The following KCNIP4 variants were observed in gnomAD, a reference collection of about 807,000 sequenced individuals.
The protein encoded by KCNIP4 is Kv channel-interacting protein 4.
A neutral mutation model predicts 34.0 loss-of-function variants in KCNIP4; 12 were observed. The observed-to-expected ratio is 0.35, with a 90% confidence interval of 0.23 to 0.57. The LOEUF is 0.57. Among genes scored for constraint, KCNIP4 ranks in the 20% least tolerant of loss-of-function variants. The pLI, the probability that KCNIP4 is intolerant of heterozygous loss-of-function variation, is 0.83. For missense variants in KCNIP4, 238 were observed against 311.7 expected, an observed-to-expected ratio of 0.76 and a Z score of 1.78; for synonymous variants, 124 against 102.2, an observed-to-expected ratio of 1.21 and a Z score of -1.29.
chr4:21,226,181 G>T (rs1371275978), intron 1 of KCNIP4, among the ~76,000 whole-genome samples: 2 of 140,916 alleles, frequency 1.4e-5, no homozygotes, highest in African/African-American at 5.2e-5. Flanking sequence ...GGTGGCTGAG[G>T]CAAAGGGATT....
chr4:21,697,533 T>C (rs1560640310), intron 1 of KCNIP4: 2 of 1,453,700 alleles, frequency 1.4e-6, no homozygotes, highest in South Asian at 3.1e-5. Flanking sequence ...GAGAAACTTC[T>C]GTCTCAGTTT....
intron 1 of KCNIP4, chr4:21,729,920 T>C (rs1715467135): frequency 6.6e-6 from 1 of 152,170 alleles, no homozygotes; most frequent in Non-Finnish European, 1.5e-5. Flanking sequence ...GTGTGACTCA[T>C]TAATAACAAT....
At chr4:21,925,454 G>A (rs1053464851) in intron 1 of KCNIP4, among the ~76,000 whole-genome samples, 3 of 152,056 alleles carry the variant, frequency 2.0e-5, no homozygotes, top group Non-Finnish European at 2.9e-5. Flanking sequence ...TGGTGTATAC[G>A]TGCCACATTT....
At chr4:20,919,518 A>G (rs947341630) in intron 1 of KCNIP4, among the ~76,000 whole-genome samples, 4 of 151,982 alleles carry the variant, frequency 2.6e-5, no homozygotes, top group South Asian at 4.2e-4. Flanking sequence ...CCTGGCTAAC[A>G]TGGTGAAACC....
intron 1 of KCNIP4, among the ~76,000 whole-genome samples, chr4:21,511,364 A>G (rs1452246559): frequency 3.3e-5 from 5 of 149,664 alleles, no homozygotes; most frequent in African/African-American, 1.2e-4. Flanking sequence ...ATTTATTTTC[A>G]TTTTCTTTTT....
At chr4:20,816,653 A>G (rs990859054) in intron 3 of KCNIP4, among the ~76,000 whole-genome samples, 1 of 152,248 alleles carries the variant, frequency 6.6e-6, no homozygotes, top group Non-Finnish European at 1.5e-5. Flanking sequence ...TTAAGGACTT[A>G]GTAACTCAGA....
chr4:20,748,560 T>TTATATATATA (rs3075750), intron 5 of KCNIP4, among the ~76,000 whole-genome samples: 22 of 64,890 alleles, frequency 3.4e-4, no homozygotes, highest in Non-Finnish European at 4.4e-4. Context: ...CTTCCAAATT[T>TTATATATATA]TATATATATA....
At chr4:21,397,420 T>C (rs1723099978) in intron 1 of KCNIP4, among the ~76,000 whole-genome samples, 1 of 152,172 alleles carries the variant, frequency 6.6e-6, no homozygotes, top group African/African-American at 2.4e-5. Context: ...AGCATCAAGA[T>C]AAATAGCTAA....
intron 4 of KCNIP4, chr4:20,752,636 T>C (rs548638458): frequency 6.6e-6 from 1 of 152,278 alleles, no homozygotes; most frequent in East Asian, 1.9e-4. Context: ...GACAAGATAA[T>C]TATGTCCTAA....
In KCNIP4 at chr4:21,482,375, G is replaced by T. The variant is rs550449797; in HGVS notation, c.61+466196C>A. On this transcript the variant is annotated intron_variant, in intron 1 of 8. Transcript: ENST00000382152. Reference sequence around the variant, plus strand: ...CATTATGATATTAGCAGGTTATTTTGCTCGTTAGTTGATGCAGTTTCTTCC... The same window carrying T: ...CATTATGATATTAGCAGGTTATTTTTCTCGTTAGTTGATGCAGTTTCTTCC... Among the ~76,000 whole-genome samples the T allele has an allele frequency of 3.3e-5, 5 of 152,206 alleles. 1 individual carries two copies. The South Asian group carries it at 1.0e-3, about 32-fold the overall frequency.
intron 1 of KCNIP4, among the ~76,000 whole-genome samples, chr4:21,135,363 G>A (rs2109188334): frequency 6.6e-6 from 1 of 152,286 alleles, no homozygotes; most frequent in Admixed American, 6.5e-5. Flanking sequence ...TGATTTTAGT[G>A]AGGGTCTATT....
At chr4:21,240,880 T>A (rs1320214045) in intron 1 of KCNIP4, among the ~76,000 whole-genome samples, 19 of 152,008 alleles carry the variant, frequency 1.2e-4, no homozygotes, top group Admixed American at 1.2e-3. Context: ...GAAGTTTTTC[T>A]TCTCAAAGTC....
At chr4:21,318,329 C>T (rs971156288) in intron 1 of KCNIP4, among the ~76,000 whole-genome samples, 2 of 152,158 alleles carry the variant, frequency 1.3e-5, no homozygotes, top group African/African-American at 4.8e-5. Context: ...TCCTTGCTTA[C>T]ATTACCTGGA....
intron 1 of KCNIP4, among the ~76,000 whole-genome samples, chr4:21,090,144 T>C (rs1485752478): frequency 6.6e-6 from 1 of 152,204 alleles, no homozygotes; most frequent in Non-Finnish European, 1.5e-5. Context: ...TTCACACGTA[T>C]AGCCTGTTCT....
At position 20,855,295 on chromosome 4, in the gene KCNIP4, T is replaced by A. The variant is rs1175532116; in HGVS notation, c.164-4628A>T. Among the ~76,000 whole-genome samples the A allele has an allele frequency of 6.6e-5, 10 of 152,154 alleles. No individual in the cohort carries two copies. The East Asian group carries it at 1.9e-3, about 29-fold the overall frequency. On this transcript the variant is annotated intron_variant, in intron 2 of 8. Transcript: ENST00000382152. ...TGTGTAAACCAATCCACACCTCAGA[T>A]GAGGAACTTAGCAGGAATAAAAACA...
intron 1 of KCNIP4, among the ~76,000 whole-genome samples, chr4:21,735,296 T>C (rs998260259): frequency 1.3e-5 from 2 of 152,182 alleles, no homozygotes; most frequent in African/African-American, 4.8e-5. Context: ...TTTGTTAAGC[T>C]ACTCACTGAA....
At chr4:21,390,574 T>G (rs113775427) in intron 1 of KCNIP4, among the ~76,000 whole-genome samples, 63 of 152,264 alleles carry the variant, frequency 4.1e-4, no homozygotes, top group African/African-American at 1.4e-3. Flanking sequence ...TTTCCCCATT[T>G]CTTGTTTTTG....
chr4:21,005,752 A>G (rs1039720729), intron 1 of KCNIP4, among the ~76,000 whole-genome samples: 3 of 152,124 alleles, frequency 2.0e-5, no homozygotes, highest in African/African-American at 7.2e-5. Context: ...ATATAGTTTG[A>G]ATGCAGAGTG....
In KCNIP4 at chr4:21,519,584, GTATGTA is replaced by G. The variant is rs372514853; in HGVS notation, c.61+428981_61+428986del. On this transcript the variant is annotated intron_variant, in intron 1 of 8. Transcript: ENST00000382152. ...TGTGTATATATACACATATGTGTGT[GTATGTA>G]TGTGTATATATACACATATGTGTGT... Among the ~76,000 whole-genome samples the G allele has an allele frequency of 1.6e-4, 6 of 37,084 alleles. 1 individual carries two copies. Among genetic ancestry groups the G allele is most frequent in the Non-Finnish European group, 1.9e-4 (4 of 21,184 alleles). 24.3% of individuals were successfully genotyped at this position (37,084 alleles called of 152,430 possible).
Sources: gnomAD v4.1 joint callset for allele counts (sites outside exome capture counted in the v4.1 genomes callset) on GRCh38, gnomAD v4.1.1 for gene constraint, MANE v1.5 for transcripts, NCBI Gene and HGNC (gene_info 2026-07-23, HGNC 2026-07-21) for gene names.